OR56A3: variants seen among roughly 807,000 people sequenced by gnomAD.
OR56A3 encodes the protein olfactory receptor family 56 subfamily A member 3.
A neutral mutation model predicts 17.5 loss-of-function variants in OR56A3; 23 were observed. The observed-to-expected ratio is 1.32, with a 90% CI of 0.95 to 1.87. The LOEUF is 1.87. Ranked by LOEUF, OR56A3 falls within the 40% of genes most tolerant of loss-of-function variation. The pLI, the probability that OR56A3 is intolerant of heterozygous loss-of-function variation, is 0.00. For missense variants in OR56A3, 366 were observed against 380.1 expected (o/e 0.96, Z 0.31); for synonymous variants, 175 against 150.6 (o/e 1.16, Z -1.19).
the OR56A3 span, among the ~76,000 whole-genome samples, chr11:5,980,295 T>TC: frequency 7.2e-5 from 11 of 152,154 alleles, no homozygotes; most frequent in African/African-American, 2.2e-4. Flanking sequence ...TATTGAAATC[T>TC]CCCATTATTA....
chr11:5,994,981 G>A, the OR56A3 span: 33 of 694,882 alleles, frequency 4.7e-5, no homozygotes, highest in South Asian at 1.8e-4. Context: ...CCAGGCGCCC[G>A]GACCCCAAGC....
the OR56A3 span, among the ~76,000 whole-genome samples, chr11:5,982,939 C>T: frequency 1.3e-5 from 2 of 152,158 alleles, no homozygotes; most frequent in East Asian, 3.9e-4. Context: ...GCTTCCTCCT[C>T]TTTCAGCCCA....
the OR56A3 span, among the ~76,000 whole-genome samples, chr11:5,990,042 T>C: frequency 2.0e-5 from 3 of 152,202 alleles, no homozygotes; most frequent in Non-Finnish European, 4.4e-5. Context: ...CTCCTTTTCT[T>C]TCCTATTGTA....
the OR56A3 span, chr11:5,987,115 G>A: frequency 1.6e-6 from 1 of 616,750 alleles, no homozygotes; most frequent in South Asian, 2.0e-5. Context: ...TACAAGCTTA[G>A]TTTTGTTTAG....
the OR56A3 span, among the ~76,000 whole-genome samples, chr11:6,008,946 C>A: frequency 6.6e-6 from 1 of 151,800 alleles, no homozygotes; most frequent in Admixed American, 6.6e-5. Flanking sequence ...TCATCTAATC[C>A]GAATATTAAC....
the OR56A3 span, among the ~76,000 whole-genome samples, chr11:5,998,561 G>A: frequency 7.9e-5 from 12 of 152,252 alleles, no homozygotes; most frequent in Non-Finnish European, 1.3e-4. Flanking sequence ...AGTAATAACC[G>A]ACCAGTTTTT....
chr11:5,998,650 T>C, the OR56A3 span, among the ~76,000 whole-genome samples: 1 of 152,174 alleles, frequency 6.6e-6, no homozygotes, highest in Non-Finnish European at 1.5e-5. Context: ...AAAGTTGGAC[T>C]AAAATAAGAA....
chr11:5,985,342 T>C, the OR56A3 span, among the ~76,000 whole-genome samples: 1 of 152,232 alleles, frequency 6.6e-6, no homozygotes, highest in African/African-American at 2.4e-5. Flanking sequence ...ATAGATTTCT[T>C]CCTTGAAAAT....
the OR56A3 span, chr11:5,986,113 C>G: frequency 4.8e-5 from 77 of 1,613,894 alleles, no homozygotes; most frequent in Middle Eastern, 9.9e-4. Context: ...GGAGAAAATT[C>G]CAGGGACATA....
At chr11:6,004,578 C>T in the OR56A3 span, among the ~76,000 whole-genome samples, 1 of 152,104 alleles carries the variant, frequency 6.6e-6, no homozygotes, top group African/African-American at 2.4e-5. Flanking sequence ...ATAAATTATA[C>T]AATATACATT....
the OR56A3 span, chr11:5,994,611 G>C: frequency 6.3e-6 from 5 of 787,528 alleles, no homozygotes; most frequent in African/African-American, 1.7e-5. Flanking sequence ...ACCTTGTGGA[G>C]CCCATGGATT....
At chr11:6,011,844 C>T in the OR56A3 span, among the ~76,000 whole-genome samples, 10 of 152,172 alleles carry the variant, frequency 6.6e-5, no homozygotes, top group Admixed American at 6.5e-4. Context: ...CCAGCTGCTG[C>T]CACGGGCAGA....
chr11:6,021,771 G>A, the OR56A3 span: 2 of 151,924 alleles, frequency 1.3e-5, no homozygotes, highest in Non-Finnish European at 2.9e-5. Context: ...TGAAAACAAT[G>A]ATCAGGAGAG....
At chr11:5,961,259 C>T in the OR56A3 span, among the ~76,000 whole-genome samples, 1 of 152,240 alleles carries the variant, frequency 6.6e-6, no homozygotes, top group African/African-American at 2.4e-5. Flanking sequence ...GTGTACCCAA[C>T]AGCTCATTGA....
At chr11:6,002,962 G>T in the OR56A3 span, 4 of 1,613,990 alleles carry the variant, frequency 2.5e-6, no homozygotes, top group Non-Finnish European at 3.4e-6. Context: ...TCAGAGACTG[G>T]GGCAGTGGAG....
the OR56A3 span, among the ~76,000 whole-genome samples, chr11:5,969,183 T>G: frequency 6.6e-6 from 1 of 152,240 alleles, no homozygotes. Flanking sequence ...AATGTTCCTA[T>G]AGAAAGATAG....
At chr11:5,963,464 AT>A in the OR56A3 span, among the ~76,000 whole-genome samples, 1 of 151,440 alleles carries the variant, frequency 6.6e-6, no homozygotes, top group African/African-American at 2.4e-5. Context: ...TGGTTGGCAG[AT>A]TTTTTGGTGT....
the OR56A3 span, among the ~76,000 whole-genome samples, chr11:5,970,350 T>C: frequency 6.6e-6 from 1 of 152,202 alleles, no homozygotes; most frequent in East Asian, 1.9e-4. Flanking sequence ...TGGACAGATA[T>C]GCTCACATGA....
the OR56A3 span, chr11:5,994,935 C>T: frequency 4.0e-6 from 3 of 747,820 alleles, no homozygotes; most frequent in Middle Eastern, 6.2e-4. Context: ...TTCTGGATGC[C>T]TCCCATTCCT....
Sources: allele counts gnomAD v4.1 joint callset (sites outside exome capture counted in the v4.1 genomes callset), GRCh38; gene constraint gnomAD v4.1.1; transcripts MANE v1.5; gene names NCBI Gene and HGNC (gene_info 2026-07-23, HGNC 2026-07-21).